Variants in SLCO1A2 observed in about 807,000 individuals in gnomAD.
SLCO1A2 encodes the protein OATP-1.
In SLCO1A2, 67 loss-of-function variants were observed where a neutral mutation model predicts 69.0. That is an observed-to-expected ratio of 0.97 (90% CI 0.80 to 1.19). SLCO1A2 has a LOEUF of 1.19. Ranked by LOEUF, SLCO1A2 falls within the 50% of genes most tolerant of loss-of-function variation. SLCO1A2 has a pLI of 0.00. For synonymous variants in SLCO1A2, 260 were observed against 265.9 expected (o/e 0.98, Z 0.22); for missense variants, 787 against 793.7 (o/e 0.99, Z 0.10).
At chr12:21,291,293 G>A (rs954687341) in intron 12 of SLCO1A2, among the ~76,000 whole-genome samples, 2 of 151,940 alleles carry the variant, frequency 1.3e-5, no homozygotes, top group African/African-American at 4.8e-5. Context: ...AAAAACAGAT[G>A]CACACAAAAA....
intron 4 of SLCO1A2, 107 bp downstream of exon 4, chr12:21,314,442 A>T (rs1179108143): frequency 8.4e-7 from 1 of 1,191,570 alleles, no homozygotes; most frequent in South Asian, 1.4e-5. Flanking sequence ...CCTTCCCATT[A>T]CAGTGCCCTA....
chr12:21,395,309 T>G (rs1941392928), exon 1 of SLCO1A2: 1 of 153,216 alleles, frequency 6.5e-6, no homozygotes, highest in African/African-American at 2.4e-5. Flanking sequence ...ACTGCGCTCT[T>G]CCAACAGGCT....
At chr12:21,286,135 T>C (rs1291844687) in intron 12 of SLCO1A2, among the ~76,000 whole-genome samples, 1 of 147,970 alleles carries the variant, frequency 6.8e-6, no homozygotes, top group African/African-American at 2.5e-5. Context: ...AAAATCTCCT[T>C]AAGCTGATAA....
intron 2 of SLCO1A2, among the ~76,000 whole-genome samples, chr12:21,359,243 A>G (rs967947804): frequency 6.6e-6 from 1 of 152,206 alleles, no homozygotes; most frequent in African/African-American, 2.4e-5. Flanking sequence ...ACAACAGTTT[A>G]ATTTCTGGAT....
At chr12:21,397,091 A>G (rs1425204064), upstream of SLCO1A2, among the ~76,000 whole-genome samples, 3 of 152,154 alleles carry the variant, frequency 2.0e-5, no homozygotes, top group Non-Finnish European at 4.4e-5. Context: ...TTGGATAAAG[A>G]GTCAAGACCC....
At chr12:21,392,255 C>T (rs554717306) in intron 1 of SLCO1A2, among the ~76,000 whole-genome samples, 53 of 152,298 alleles carry the variant, frequency 3.5e-4, no homozygotes, top group Admixed American at 3.3e-3. Flanking sequence ...CTCATCACCA[C>T]TCCATATGAT....
chr12:21,379,336 C>T (rs1345105495), intron 1 of SLCO1A2: 3 of 152,182 alleles, frequency 2.0e-5, no homozygotes, highest in African/African-American at 7.2e-5. Flanking sequence ...TGTGTGTTAG[C>T]AGCAGTGAGC....
chr12:21,275,366 C>A lies in SLCO1A2; in HGVS notation c.1669G>T (p.Val557Leu). Reference sequence around the variant, plus strand: ...AAAAAATAACTATTTTTACCAAATACTCTTGTGCAAAATGTATGTAATCCC... The same window carrying A: ...AAAAAATAACTATTTTTACCAAATAATCTTGTGCAAAATGTATGTAATCCC... ...GVGLHTFCTR[V>L]FAGIPAPIYF... Residue 557 changes from valine to leucine, a missense_variant, in exon 13 of 15, where the codon GTA (valine) becomes TTA (leucine). Transcript: ENST00000683939. 1 of 1,559,078 alleles carries A rather than the reference C, an allele frequency of 6.4e-7. No homozygotes were observed. The highest frequency in any genetic ancestry group is 1.2e-5 in the South Asian group (1 of 84,488).
At chr12:21,313,290 C>A (rs1950446952) in intron 4 of SLCO1A2, among the ~76,000 whole-genome samples, 1 of 152,206 alleles carries the variant, frequency 6.6e-6, no homozygotes, top group South Asian at 2.1e-4. Context: ...TGATTCTAAT[C>A]TTCAACGTAG....
chr12:21,397,764 T>G (rs1398729082), upstream of SLCO1A2, among the ~76,000 whole-genome samples: 6 of 134,252 alleles, frequency 4.5e-5, no homozygotes, highest in African/African-American at 1.7e-4. Flanking sequence ...AACCTGCTCC[T>G]GAATGACTAC....
intron 14 of SLCO1A2, among the ~76,000 whole-genome samples, chr12:21,272,894 G>A (rs186293899): frequency 2.6e-5 from 4 of 152,222 alleles, no homozygotes; most frequent in Non-Finnish European, 5.9e-5. Flanking sequence ...AAATGTAAAG[G>A]TAATCAGAAG....
Position 21,283,140 on chromosome 12 carries a change from G to A in SLCO1A2, c.1611-7716C>T, listed in dbSNP as rs1945113333. 3.9e-5 allele frequency among the ~76,000 whole-genome samples: 6 copies of A among 152,130 alleles called. No homozygotes were observed. The South Asian group carries it at 1.2e-3, about 32-fold the overall frequency. On this transcript the variant is annotated intron_variant, in intron 12 of 14. Transcript: ENST00000683939. ...ATCCAAAGCAAAAAGAACAAAACTG[G>A]AGGAATCACATTACTTGACTTCAAT...
Position 21,292,295 on chromosome 12 carries a change from T to C in SLCO1A2, c.1479A>G (p.Ser493=). 1 of 1,611,910 alleles carries C rather than the reference T, an allele frequency of 6.2e-7. No homozygotes were observed. The highest frequency in any genetic ancestry group is 8.5e-7 in the Non-Finnish European group (1 of 1,178,652). The change falls in exon 12 of 15, where the codon TCA becomes TCG. Residue 493 remains serine (S), a synonymous_variant. Coordinates refer to ENST00000683939, the MANE Select transcript of SLCO1A2 (RefSeq NM_001386879.1). ...NCSCIQTSGN[S]SAVLGLCDKG... ...TGTCGCACAGCCCAAGAACTGCAGA[T>C]GAATTTCCTGATGTTTGAATACAGC...
chr12:21,322,236 T>G (rs1380549862), intron 2 of SLCO1A2, among the ~76,000 whole-genome samples: 1 of 152,098 alleles, frequency 6.6e-6, no homozygotes, highest in African/African-American at 2.4e-5. Context: ...ACTAACAAAT[T>G]TGGGTTGGCT....
At chr12:21,274,670 G>C in intron 13 of SLCO1A2, 84 bp from the exon 14 acceptor site, 1 of 980,900 alleles carries the variant, frequency 1.0e-6, no homozygotes, top group Non-Finnish European at 1.6e-6. Context: ...TTCTTTATTT[G>C]TACGGCAAAG....
intron 4 of SLCO1A2, among the ~76,000 whole-genome samples, chr12:21,312,278 C>G (rs1667694799): frequency 1.3e-5 from 2 of 152,154 alleles, no homozygotes. Context: ...ATGAACCCAC[C>G]TCTCTTGGCT....
intron 14 of SLCO1A2, among the ~76,000 whole-genome samples, chr12:21,270,307 T>C (rs1942579259): frequency 6.6e-6 from 1 of 151,836 alleles, no homozygotes; most frequent in Non-Finnish European, 1.5e-5. Flanking sequence ...ATTGTGTTAA[T>C]AGCATCTATT....
At chr12:21,373,940 G>A (rs578256727) in intron 2 of SLCO1A2, among the ~76,000 whole-genome samples, 2 of 152,132 alleles carry the variant, frequency 1.3e-5, no homozygotes, top group Admixed American at 6.6e-5. Flanking sequence ...ATGTTTTTAA[G>A]AAATGAAATC....
chr12:21,307,222 A>G (rs1030341029), intron 4 of SLCO1A2, among the ~76,000 whole-genome samples: 1 of 152,244 alleles, frequency 6.6e-6, no homozygotes, highest in African/African-American at 2.4e-5. Context: ...CCTGTGGATG[A>G]TCTACCTTTA....
Sources: gnomAD v4.1 joint callset for allele counts (sites outside exome capture counted in the v4.1 genomes callset) on GRCh38, gnomAD v4.1.1 for gene constraint, MANE v1.5 for transcripts, NCBI Gene and HGNC (gene_info 2026-07-23, HGNC 2026-07-21) for gene names.